The following P3H2 variants were observed in gnomAD, a reference collection of about 807,000 sequenced individuals.
P3H2 encodes leprecan-like 1.
A neutral mutation model predicts 87.0 loss-of-function variants in P3H2; 80 were observed. That is an observed-to-expected ratio of 0.92 (90% CI 0.77 to 1.11). P3H2 has a LOEUF of 1.11. P3H2 is among the 50% of genes least tolerant of loss of function. P3H2 has a pLI of 0.00. For synonymous variants in P3H2, 367 were observed against 359.3 expected, an observed-to-expected ratio of 1.02 and a Z score of -0.24; for missense variants, 1,001 against 923.9, an observed-to-expected ratio of 1.08 and a Z score of -1.08.
chr3:190,075,586 C>A (rs184089168), intron 1 of P3H2, among the ~76,000 whole-genome samples: 40 of 152,190 alleles, frequency 2.6e-4, no homozygotes, highest in Admixed American at 1.6e-3. Flanking sequence ...GAAGGGAAAT[C>A]TTCCTGGTAA....
intron 14 of P3H2, among the ~76,000 whole-genome samples, chr3:189,959,958 T>C (rs1274472927): frequency 6.6e-6 from 1 of 151,212 alleles, no homozygotes; most frequent in African/African-American, 2.4e-5. Context: ...AGAATACAAT[T>C]CGCATTTCCC....
At position 190,114,303 on chromosome 3, in the gene P3H2, C is replaced by T. The variant is rs560359677; in HGVS notation, c.480+5949G>A. Reference sequence around the variant, plus strand: ...GGTTCACGCCATTCTCCTGCCTCAGCCTCCCGAGTAGCTGGGACTACAGGC... The same window carrying T: ...GGTTCACGCCATTCTCCTGCCTCAGTCTCCCGAGTAGCTGGGACTACAGGC... On this transcript the variant is annotated intron_variant, in intron 1 of 14. Transcript: ENST00000319332. Among the ~76,000 whole-genome samples the T allele has an allele frequency of 2.5e-4, 38 of 150,468 alleles. No individual in the cohort carries two copies. In the South Asian group the frequency reaches 8.0e-3, roughly 32 times the overall value.
rs150665547 is a variant in P3H2, at chr3:189,982,881, CT to C, written c.1324+164del. On this transcript the variant is annotated intron_variant, in intron 8 of 14. Transcript: ENST00000319332. Reference sequence around the variant, plus strand: ...ATGGTAATAATACACAAATCTAAGACTTTTTTTTTTAAGTCTTGCTTTCAGA... The same window carrying C: ...ATGGTAATAATACACAAATCTAAGACTTTTTTTTTAAGTCTTGCTTTCAGA... Among the ~76,000 whole-genome samples the C allele has an allele frequency of 2.3e-3, 336 of 148,386 alleles. 1 individual carries two copies. The highest frequency in any genetic ancestry group is 6.8e-3 in the African/African-American group (277 of 40,502).
intron 1 of P3H2, among the ~76,000 whole-genome samples, chr3:190,068,705 C>T (rs1317612366): frequency 4.0e-5 from 6 of 151,708 alleles, no homozygotes; most frequent in South Asian, 2.1e-4. Context: ...GCTGAAGTTG[C>T]GATTTCCTGA....
chr3:190,100,424 A>G (rs186940340), intron 1 of P3H2, among the ~76,000 whole-genome samples: 1 of 152,244 alleles, frequency 6.6e-6, no homozygotes, highest in East Asian at 1.9e-4. Flanking sequence ...AGGAGTGAAC[A>G]ACTGCTGAGA....
At chr3:190,101,588 G>A (rs1000154051) in intron 1 of P3H2, among the ~76,000 whole-genome samples, 14 of 151,914 alleles carry the variant, frequency 9.2e-5, no homozygotes, top group Admixed American at 7.2e-4. Context: ...TGAGAGAGCT[G>A]AGGAAGCTAT....
intron 1 of P3H2, among the ~76,000 whole-genome samples, chr3:190,051,961 C>T (rs1284858867): frequency 6.6e-6 from 1 of 152,148 alleles, no homozygotes; most frequent in Non-Finnish European, 1.5e-5. Flanking sequence ...AGGAGTCAGA[C>T]CTTCTAAAAA....
chr3:190,012,458 T>TCTTGCC (rs1198889201), intron 1 of P3H2, among the ~76,000 whole-genome samples: 2 of 152,154 alleles, frequency 1.3e-5, no homozygotes, highest in African/African-American at 4.8e-5. Flanking sequence ...ACTCACAAGC[T>TCTTGCC]CTTGCCTGAC....
At chr3:190,096,745 C>A (rs995519505) in intron 1 of P3H2, among the ~76,000 whole-genome samples, 2 of 152,128 alleles carry the variant, frequency 1.3e-5, no homozygotes, top group African/African-American at 4.8e-5. Flanking sequence ...AACACAGACA[C>A]CCAACTTGGC....
Position 190,101,368 on chromosome 3 carries a change from C to CAAAAAA in P3H2, c.480+18878_480+18883dup, listed in dbSNP as rs34737545. On this transcript the variant is annotated intron_variant, in intron 1 of 14. Transcript: ENST00000319332. ...GCATCAGTTCACCAAATCATGAACG[C>CAAAAAA]AAAAAAAAAAAAAAAAAAAAAAAAA... 3.3e-4 allele frequency among the ~76,000 whole-genome samples: 8 copies of CAAAAAA among 23,954 alleles called. 1 individual carries two copies. The highest frequency in any genetic ancestry group is 1.4e-3 in the African/African-American group (8 of 5,868). The allele number at this position is 23,954 out of a possible 152,430, so 15.7% of individuals were successfully genotyped here. A position where few individuals can be genotyped will look rare whatever the true frequency, so the allele number is the denominator to read the frequency against.
chr3:189,999,170 C>T (rs1451834762), intron 1 of P3H2, among the ~76,000 whole-genome samples: 1 of 152,194 alleles, frequency 6.6e-6, no homozygotes, highest in Non-Finnish European at 1.5e-5. Flanking sequence ...GAATGTGATT[C>T]CGTAGCTCTT....
At chr3:190,067,858 C>T (rs1464934879) in intron 1 of P3H2, among the ~76,000 whole-genome samples, 1 of 151,904 alleles carries the variant, frequency 6.6e-6, no homozygotes, top group Non-Finnish European at 1.5e-5. Context: ...CATGCAAGTA[C>T]AAGTTGTGTG....
In P3H2 at chr3:190,071,427, T is replaced by A. The variant is rs982508387; in HGVS notation, c.480+48825A>T. 6.6e-5 allele frequency among the ~76,000 whole-genome samples: 10 copies of A among 152,306 alleles called. No individual in the cohort carries two copies. The South Asian group carries it at 1.9e-3, about 28-fold the overall frequency. ...TAGTTCTAGAAACATGTAAATCCAA[T>A]CAGCTTCCATACTAATTCTGAATAA... On this transcript the variant is annotated intron_variant, in intron 1 of 14. Coordinates refer to ENST00000319332, the MANE Select transcript of P3H2 (RefSeq NM_018192.4).
At chr3:189,997,808 A>G (rs1724095010) in intron 1 of P3H2, among the ~76,000 whole-genome samples, 1 of 152,152 alleles carries the variant, frequency 6.6e-6, no homozygotes, top group Non-Finnish European at 1.5e-5. Flanking sequence ...TAATCTTCTC[A>G]ATCTCTTACA....
At chr3:190,002,749 T>C (rs1724257095) in intron 1 of P3H2, among the ~76,000 whole-genome samples, 1 of 152,246 alleles carries the variant, frequency 6.6e-6, no homozygotes, top group South Asian at 2.1e-4. Flanking sequence ...TTTCACTTTT[T>C]TCTTTGAGTG....
intron 1 of P3H2, among the ~76,000 whole-genome samples, chr3:190,043,959 T>C (rs531415532): frequency 5.3e-5 from 8 of 152,260 alleles, no homozygotes; most frequent in African/African-American, 1.9e-4. Context: ...TCCAGGGAGA[T>C]GTCAAAACAA....
intron 1 of P3H2, among the ~76,000 whole-genome samples, chr3:190,064,154 A>G (rs1338811748): frequency 1.4e-5 from 2 of 137,966 alleles, no homozygotes; most frequent in African/African-American, 5.8e-5. Context: ...ACCACACCTA[A>G]CTTTTTTTTT....
At chr3:190,023,078 G>A (rs1354211106) in intron 1 of P3H2, among the ~76,000 whole-genome samples, 1 of 152,018 alleles carries the variant, frequency 6.6e-6, no homozygotes, top group Admixed American at 6.6e-5. Context: ...CGCCCGCCTT[G>A]GCCTCCCAAA....
intron 1 of P3H2, among the ~76,000 whole-genome samples, chr3:190,004,102 CTT>C (rs1350997807): frequency 2.6e-5 from 4 of 152,156 alleles, no homozygotes; most frequent in Non-Finnish European, 2.9e-5. Context: ...CTCTACTCCT[CTT>C]ATACATGACC....
Sources: allele counts gnomAD v4.1 joint callset (sites outside exome capture counted in the v4.1 genomes callset), GRCh38; gene constraint gnomAD v4.1.1; transcripts MANE v1.5; gene names NCBI Gene and HGNC (gene_info 2026-07-23, HGNC 2026-07-21).